DPP10: variants seen among roughly 807,000 people sequenced by gnomAD.
DPP10 encodes the protein dipeptidyl peptidase like 10.
A neutral mutation model predicts 120.9 loss-of-function variants in DPP10; 33 were observed. The observed-to-expected ratio is 0.27, with a 90% CI of 0.21 to 0.37. The LOEUF is 0.37. Among genes scored for constraint, DPP10 ranks in the 10% least tolerant of loss-of-function variants. DPP10 has a pLI of 1.00. For synonymous variants in DPP10, 337 were observed against 326.1 expected, an observed-to-expected ratio of 1.03 and a Z score of -0.36; for missense variants, 816 against 942.8, an observed-to-expected ratio of 0.87 and a Z score of 1.76.
intron 1 of DPP10, among the ~76,000 whole-genome samples, chr2:114,983,076 C>G (rs1195671500): frequency 6.6e-6 from 1 of 152,108 alleles, no homozygotes; most frequent in Non-Finnish European, 1.5e-5. Flanking sequence ...AGAGCTAAGA[C>G]GCATTATAAC....
At chr2:115,533,796 A>C in intron 5 of DPP10, among the ~76,000 whole-genome samples, 1 of 152,200 alleles carries the variant, frequency 6.6e-6, no homozygotes, top group East Asian at 1.9e-4. Context: ...CCTGCCTTCT[A>C]GTGCCCATAG....
intron 1 of DPP10, among the ~76,000 whole-genome samples, chr2:114,829,879 C>T (rs1038215141): frequency 4.6e-5 from 7 of 152,198 alleles, no homozygotes; most frequent in Admixed American, 3.9e-4. Context: ...ATTTCAGAAC[C>T]CGTGTCGTCT....
intron 3 of DPP10, among the ~76,000 whole-genome samples, chr2:115,356,463 A>T (rs1470850636): frequency 6.6e-6 from 1 of 152,052 alleles, no homozygotes; most frequent in African/African-American, 2.4e-5. Flanking sequence ...GGCTGAGATG[A>T]TGGAGTTTTC....
At chr2:115,702,067 C>T (rs2091912979) in intron 7 of DPP10, among the ~76,000 whole-genome samples, 1 of 151,846 alleles carries the variant, frequency 6.6e-6, no homozygotes, top group South Asian at 2.1e-4. Context: ...GTGAGAATAC[C>T]ATTTACTAGT....
At chr2:115,244,235 TATATAGAGAGAGAGAGAG>T (rs1353077609) in intron 1 of DPP10, among the ~76,000 whole-genome samples, 848 of 54,018 alleles carry the variant, frequency 0.016, 6 homozygotes, top group Middle Eastern at 0.041. Context: ...TATATATATA[TATATAGAGAGAGAGAGAG>T]AGAGAGAGAG....
chr2:115,145,114 T>C (rs1262688740), intron 1 of DPP10: 1 of 151,972 alleles, frequency 6.6e-6, no homozygotes, highest in Non-Finnish European at 1.5e-5. Context: ...TATCCTTTCT[T>C]GGCTTTGATT....
At chr2:115,459,949 A>ACACC (rs2073891522) in intron 3 of DPP10, among the ~76,000 whole-genome samples, 2 of 147,958 alleles carry the variant, frequency 1.4e-5, no homozygotes, top group East Asian at 2.0e-4. Context: ...ACACACACAC[A>ACACC]CCTTTGTTTG....
Position 115,624,467 on chromosome 2 carries a change from G to T in DPP10, c.442-65220G>T, listed in dbSNP as rs371051798. ...TGGCAGCATGAGATAAATTAGAAGT[G>T]CAGAGAATGAGCAACCTATGAGATC... On this transcript the variant is annotated intron_variant, in intron 5 of 25. Coordinates refer to ENST00000410059, the MANE Select transcript of DPP10 (RefSeq NM_020868.6). Among the ~76,000 whole-genome samples, 12 of 152,286 alleles carry T rather than the reference G, an allele frequency of 7.9e-5. No individual in the cohort carries two copies. In the East Asian group the frequency reaches 2.1e-3, roughly 27 times the overall value.
At chr2:115,080,241 C>A (rs1708161864) in intron 1 of DPP10, among the ~76,000 whole-genome samples, 1 of 152,162 alleles carries the variant, frequency 6.6e-6, no homozygotes, top group Non-Finnish European at 1.5e-5. Flanking sequence ...TGATCGTGAA[C>A]TCCTGACCTT....
chr2:114,941,326 C>T (rs147003870), intron 1 of DPP10, among the ~76,000 whole-genome samples: 3 of 152,192 alleles, frequency 2.0e-5, no homozygotes, highest in Non-Finnish European at 4.4e-5. Flanking sequence ...GGACTCAGTT[C>T]CTGTTTTCTT....
At chr2:114,477,071 T>C (rs559327036) in intron 1 of DPP10, among the ~76,000 whole-genome samples, 80 of 152,176 alleles carry the variant, frequency 5.3e-4, no homozygotes, top group African/African-American at 1.8e-3. Flanking sequence ...GCAATTCTAC[T>C]GCTTCAGCTT....
intron 1 of DPP10, among the ~76,000 whole-genome samples, chr2:114,692,077 A>G (rs1411762608): frequency 2.6e-5 from 4 of 151,468 alleles, no homozygotes; most frequent in South Asian, 2.1e-4. Flanking sequence ...TTGTGTTTCT[A>G]TCTCCTTCAG....
At chr2:115,650,776 T>C (rs1399801682) in intron 5 of DPP10, among the ~76,000 whole-genome samples, 1 of 151,902 alleles carries the variant, frequency 6.6e-6, no homozygotes, top group African/African-American at 2.4e-5. Flanking sequence ...ATGGTCTTTG[T>C]CTTCCAGTAG....
At chr2:114,908,754 A>G (rs1174616286) in intron 1 of DPP10, among the ~76,000 whole-genome samples, 1 of 151,668 alleles carries the variant, frequency 6.6e-6, no homozygotes, top group Non-Finnish European at 1.5e-5. Flanking sequence ...ATAATTATAT[A>G]ATTTATTCTT....
In DPP10 at chr2:115,202,044, A is replaced by G. The variant is rs112846532; in HGVS notation, c.61-107195A>G. Among the ~76,000 whole-genome samples, 406 of 152,216 alleles carry G rather than the reference A, an allele frequency of 2.7e-3. 2 individuals carry two copies. Among genetic ancestry groups the G allele is most frequent in the Non-Finnish European group, 4.8e-3 (323 of 67,996 alleles). The stretch of plus-strand genomic sequence containing the variant: ...AATATCTGTGCATTCTTAAGATGCT[A>G]TTTATCAAGGTGGTTTTACATTTGA... On this transcript the variant is annotated intron_variant, in intron 1 of 25. Transcript: ENST00000410059.
At chr2:114,518,026 G>C (rs950290626) in intron 1 of DPP10, among the ~76,000 whole-genome samples, 1 of 145,926 alleles carries the variant, frequency 6.9e-6, no homozygotes, top group Non-Finnish European at 1.5e-5. Context: ...TTCAAATTTG[G>C]TTTTAGGATT....
chr2:115,587,694 A>G (rs1426752476), intron 5 of DPP10, among the ~76,000 whole-genome samples: 1 of 152,240 alleles, frequency 6.6e-6, no homozygotes, highest in Non-Finnish European at 1.5e-5. Flanking sequence ...ATGTATATAC[A>G]ATGGAAAATT....
chr2:115,394,292 CA>C (rs2067515277), intron 3 of DPP10, among the ~76,000 whole-genome samples: 1 of 151,786 alleles, frequency 6.6e-6, no homozygotes, highest in Non-Finnish European at 1.5e-5. Context: ...TGCAGATCCC[CA>C]AAGAATTGAA....
chr2:115,626,555 A>G (rs6542281), intron 5 of DPP10, among the ~76,000 whole-genome samples: 1 of 151,996 alleles, frequency 6.6e-6, no homozygotes, highest in Admixed American at 6.6e-5. Flanking sequence ...CTTGTTTTTT[A>G]TTATAGTTGT....
Sources: allele counts gnomAD v4.1 joint callset (sites outside exome capture counted in the v4.1 genomes callset), GRCh38; gene constraint gnomAD v4.1.1; transcripts MANE v1.5; gene names NCBI Gene and HGNC (gene_info 2026-07-23, HGNC 2026-07-21).